The following PREX2 variants were observed in gnomAD, a reference collection of about 807,000 sequenced individuals.
The protein encoded by PREX2 is phosphatidylinositol-3,4,5-trisphosphate dependent Rac exchange factor 2.
A neutral mutation model predicts 203.2 loss-of-function variants in PREX2; 107 were observed. That is an observed-to-expected ratio of 0.53 (90% CI 0.45 to 0.62). The LOEUF is 0.62. PREX2 is among the 20% of genes least tolerant of loss of function. PREX2 has a pLI of 0.00. For missense variants in PREX2, 1,777 were observed against 1,955.9 expected, an observed-to-expected ratio of 0.91 and a Z score of 1.72; for synonymous variants, 672 against 663.6, an observed-to-expected ratio of 1.01 and a Z score of -0.19.
At chr8:67,972,877 T>C (rs756638620) in intron 1 of PREX2, among the ~76,000 whole-genome samples, 1 of 152,174 alleles carries the variant, frequency 6.6e-6, no homozygotes, top group Admixed American at 6.6e-5. Context: ...GGACATTCCA[T>C]TGTATGTCTC....
chr8:68,110,510 G>T (rs947059396), intron 25 of PREX2, among the ~76,000 whole-genome samples: 56 of 152,206 alleles, frequency 3.7e-4, no homozygotes, highest in African/African-American at 1.3e-3. Flanking sequence ...TCCCAAATTG[G>T]CAGATTCTGA....
chr8:68,179,501 C>T (rs1363363332), intron 35 of PREX2, among the ~76,000 whole-genome samples: 1 of 152,086 alleles, frequency 6.6e-6, no homozygotes, highest in Non-Finnish European at 1.5e-5. Flanking sequence ...GAAAACAACA[C>T]TGGGGAAGGG....
chr8:68,034,877 T>G (rs894314053), intron 6 of PREX2, among the ~76,000 whole-genome samples: 2 of 152,144 alleles, frequency 1.3e-5, no homozygotes, highest in Non-Finnish European at 2.9e-5. Context: ...CAGATACAAA[T>G]TCATCTTCTA....
rs1379975133 is a variant in PREX2, at chr8:68,109,570, C to G, written c.3093C>G (p.Gly1031=). The G allele has an allele frequency of 6.2e-7, 1 of 1,613,854 alleles. No individual in the cohort carries two copies. The highest frequency in any genetic ancestry group is 1.3e-5 in the African/African-American group (1 of 74,898). Residue 1031 remains glycine (G), a synonymous_variant, in exon 25 of 40, where the codon GGC becomes GGG. Coordinates refer to ENST00000288368, the MANE Select transcript of PREX2 (RefSeq NM_024870.4). ...AAGACATCTATCAGAAACTGCTGGGCAAACTTCAGACTGCACTGAAAGAGG... is the reference window on the plus strand; with the variant it reads ...AAGACATCTATCAGAAACTGCTGGGGAAACTTCAGACTGCACTGAAAGAGG... ...ETQDIYQKLL[G]KLQTALKEVE... is the part of the protein sequence containing the mutation.
At chr8:68,098,938 GTA>G (rs71253061) in intron 22 of PREX2, among the ~76,000 whole-genome samples, 9,725 of 108,588 alleles carry the variant, frequency 0.09, 323 homozygotes, top group Admixed American at 0.12. Context: ...ATATATATGT[GTA>G]TATATATATA....
intron 11 of PREX2, among the ~76,000 whole-genome samples, chr8:68,067,059 G>A (rs1809036622): frequency 1.3e-5 from 2 of 151,966 alleles, no homozygotes; most frequent in Admixed American, 1.3e-4. Context: ...TTATTTCTGG[G>A]ATCTGATCTC....
intron 25 of PREX2, 86 bp from the exon 26 acceptor site, chr8:68,115,666 TG>T (rs761548691): frequency 3.6e-6 from 3 of 822,688 alleles, no homozygotes; most frequent in Non-Finnish European, 5.4e-6. Context: ...TAGAAATATT[TG>T]TAAGCCTATT....
chr8:68,030,726 T>C (rs1807858940), intron 6 of PREX2, 68 bp downstream of exon 6: 1 of 1,443,962 alleles, frequency 6.9e-7, no homozygotes. Flanking sequence ...GCAGAATTAC[T>C]GGCGTTGGAT....
chr8:67,965,191 C>T (rs1206176173), intron 1 of PREX2, among the ~76,000 whole-genome samples: 2 of 152,176 alleles, frequency 1.3e-5, no homozygotes, highest in Non-Finnish European at 2.9e-5. Flanking sequence ...ACCCAGAAGT[C>T]AGGAGTTTCC....
intron 34 of PREX2, among the ~76,000 whole-genome samples, chr8:68,152,447 C>T (rs1811459279): frequency 6.6e-6 from 1 of 150,972 alleles, no homozygotes; most frequent in Admixed American, 6.6e-5. Context: ...GGTGTAAACC[C>T]ACCTCTCTTC....
At chr8:68,182,909 A>G (rs914796817) in intron 35 of PREX2, among the ~76,000 whole-genome samples, 5 of 151,564 alleles carry the variant, frequency 3.3e-5, no homozygotes, top group Non-Finnish European at 7.4e-5. Flanking sequence ...AAGAATCAGT[A>G]GAGTTTTGCC....
At chr8:68,127,539 C>A in intron 31 of PREX2, 120 bp downstream of exon 31, 1 of 630,240 alleles carries the variant, frequency 1.6e-6, no homozygotes, top group Non-Finnish European at 2.8e-6. Context: ...ATGATCCCTA[C>A]CTTCTCCAAA....
chr8:68,050,955 A>G (rs532169648), intron 8 of PREX2, among the ~76,000 whole-genome samples: 1 of 152,250 alleles, frequency 6.6e-6, no homozygotes, highest in Admixed American at 6.5e-5. Flanking sequence ...GTGTTTAGAC[A>G]GAGTTGAGTT....
chr8:68,017,753 G>A (rs1331996557), intron 1 of PREX2, 93 bp from the exon 2 acceptor site: 3 of 1,049,606 alleles, frequency 2.9e-6, no homozygotes, highest in African/African-American at 1.6e-5. Context: ...TTACACTTTG[G>A]TTTGTTGTAA....
intron 23 of PREX2, among the ~76,000 whole-genome samples, chr8:68,104,904 C>T (rs1810363512): frequency 6.6e-6 from 1 of 152,196 alleles, no homozygotes; most frequent in Admixed American, 6.5e-5. Context: ...TCTCTCCACA[C>T]CCACCCTGTG....
chr8:68,051,593 G>A (rs1405492531), intron 8 of PREX2, among the ~76,000 whole-genome samples: 4 of 152,102 alleles, frequency 2.6e-5, no homozygotes, highest in Admixed American at 6.6e-5. Context: ...TAGATATTAA[G>A]GAGGGATTGC....
chr8:67,987,628 A>G (rs927340125), intron 1 of PREX2, among the ~76,000 whole-genome samples: 1 of 152,176 alleles, frequency 6.6e-6, no homozygotes, highest in African/African-American at 2.4e-5. Context: ...GTCCTCACAC[A>G]GATCTGGTAG....
At chr8:68,229,005 G>A (rs1813115371) in intron 39 of PREX2, among the ~76,000 whole-genome samples, 1 of 147,876 alleles carries the variant, frequency 6.8e-6, no homozygotes, top group Non-Finnish European at 1.5e-5. Flanking sequence ...ATTTAGTCAG[G>A]AGTTTTTTCC....
At chr8:68,016,164 G>A (rs1169212341) in intron 1 of PREX2, among the ~76,000 whole-genome samples, 1 of 152,058 alleles carries the variant, frequency 6.6e-6, no homozygotes, top group Admixed American at 6.6e-5. Context: ...ATTAGAAAGT[G>A]TACAAAGGTC....
Sources: allele counts gnomAD v4.1 joint callset (sites outside exome capture counted in the v4.1 genomes callset), GRCh38; gene constraint gnomAD v4.1.1; transcripts MANE v1.5; gene names NCBI Gene and HGNC (gene_info 2026-07-23, HGNC 2026-07-21).